ADAMTS9: variants seen among roughly 807,000 people sequenced by gnomAD.
ADAMTS9 encodes the protein ADAM metallopeptidase with thrombospondin type 1 motif 9.
A neutral mutation model predicts 257.1 loss-of-function variants in ADAMTS9; 107 were observed. That is an observed-to-expected ratio of 0.42 (90% CI 0.36 to 0.49). The LOEUF is 0.49. ADAMTS9 is among the 20% of genes least tolerant of loss of function. The pLI, the probability that ADAMTS9 is intolerant of heterozygous loss-of-function variation, is 0.03. For synonymous variants in ADAMTS9, 982 were observed against 880.9 expected (o/e 1.11, Z -2.03); for missense variants, 2,353 against 2,469.1 (o/e 0.95, Z 1.00).
chr3:64,573,223 G>A (rs995211318), intron 28 of ADAMTS9, among the ~76,000 whole-genome samples: 2 of 152,164 alleles, frequency 1.3e-5, no homozygotes, highest in African/African-American at 2.4e-5. Flanking sequence ...ATGGGCCAGG[G>A]GGACAGCCCT....
At chr3:64,600,448 T>C (rs1180601354) in intron 26 of ADAMTS9, among the ~76,000 whole-genome samples, 3 of 152,208 alleles carry the variant, frequency 2.0e-5, no homozygotes, top group Non-Finnish European at 2.9e-5. Context: ...TCCTCCCTAA[T>C]TGGGAGCTCT....
chr3:64,530,334 C>G lies in ADAMTS9; in HGVS notation c.5718+2832G>C, dbSNP rs1042601337. On this transcript the variant is annotated intron_variant, in intron 38 of 39. Transcript: ENST00000498707. The stretch of plus-strand genomic sequence containing the variant: ...CCCAAAAGTGTTGGGCGGTGGAAGC[C>G]TATTTTCAGGTAGCATTGCTAGGAC... Among the ~76,000 whole-genome samples, 7 of 151,860 alleles carry G rather than the reference C, an allele frequency of 4.6e-5. No homozygotes were observed. In the East Asian group the frequency reaches 1.4e-3, roughly 29 times the overall value.
rs779447947 is a variant in ADAMTS9 at position 64,515,931 on chromosome 3, G to C, written c.*1196C>G. The C allele has an allele frequency of 9.9e-5, 15 of 152,144 alleles. No homozygotes were observed. The highest frequency in any genetic ancestry group is 1.6e-4 in the Non-Finnish European group (11 of 68,022). The allele number at this position is 152,144 out of a possible 1,614,324, so 9.4% of individuals were successfully genotyped here. ...GGCTTCAGCACTTCCATTTTGGAAA[G>C]AAGTAACAAAAAAGTGAATTAATGA... On this transcript the variant is annotated 3_prime_UTR_variant, in exon 40 of 40. Coordinates refer to ENST00000498707, the MANE Select transcript of ADAMTS9 (RefSeq NM_182920.2).
At chr3:64,521,186 A>G (rs1237714990) in intron 39 of ADAMTS9, among the ~76,000 whole-genome samples, 2 of 152,224 alleles carry the variant, frequency 1.3e-5, no homozygotes, top group African/African-American at 4.8e-5. Context: ...GCCAACAAAT[A>G]TAAGAAAAAA....
intron 3 of ADAMTS9, among the ~76,000 whole-genome samples, chr3:64,673,436 G>A (rs4505692): frequency 0.39 from 59,549 of 151,786 alleles, 11,828 homozygotes; most frequent in African/African-American, 0.43. Flanking sequence ...AAAGAGTAGG[G>A]GCAATGGAAG....
At chr3:64,557,032 TAC>T (rs1185632532) in intron 30 of ADAMTS9, among the ~76,000 whole-genome samples, 1 of 152,122 alleles carries the variant, frequency 6.6e-6, no homozygotes, top group East Asian at 1.9e-4. Flanking sequence ...ACTGCCAGAG[TAC>T]AGTAATCTGC....
chr3:64,634,341 C>T (rs1404606569), intron 12 of ADAMTS9, among the ~76,000 whole-genome samples: 1 of 152,152 alleles, frequency 6.6e-6, no homozygotes, highest in Non-Finnish European at 1.5e-5. Flanking sequence ...CACAGGAGAC[C>T]ATCATAAACT....
chr3:64,631,362 C>G (rs1189925525), intron 16 of ADAMTS9, 93 bp downstream of exon 16: 1 of 994,568 alleles, frequency 1.0e-6, no homozygotes, highest in African/African-American at 1.6e-5. Context: ...CATCTGAAAG[C>G]TCTGCCTCTG....
At chr3:64,573,410 A>G (rs2083749427) in intron 28 of ADAMTS9, among the ~76,000 whole-genome samples, 1 of 152,208 alleles carries the variant, frequency 6.6e-6, no homozygotes, top group African/African-American at 2.4e-5. Context: ...TGAAAGGCCA[A>G]GATAAATGTC....
chr3:64,646,459 G>A (rs1028637294), intron 11 of ADAMTS9, among the ~76,000 whole-genome samples: 2 of 152,156 alleles, frequency 1.3e-5, no homozygotes, highest in South Asian at 2.1e-4. Flanking sequence ...GTCTTGCAAA[G>A]ATTCACTCTT....
intron 3 of ADAMTS9, among the ~76,000 whole-genome samples, chr3:64,666,726 A>G (rs72892831): frequency 0.073 from 11,084 of 152,310 alleles, 1,315 homozygotes; most frequent in African/African-American, 0.25. Flanking sequence ...CATGACACAG[A>G]GGACAGGTCC....
intron 36 of ADAMTS9, among the ~76,000 whole-genome samples, chr3:64,540,833 C>T (rs1004888961): frequency 2.6e-5 from 4 of 151,510 alleles, no homozygotes; most frequent in African/African-American, 9.8e-5. Context: ...GTTCATTCAT[C>T]ACAAATCGGA....
chr3:64,596,288 C>T (rs1461365270), intron 27 of ADAMTS9, among the ~76,000 whole-genome samples: 1 of 152,178 alleles, frequency 6.6e-6, no homozygotes. Context: ...CCCTATCAGT[C>T]GTCACAGGCA....
chr3:64,600,257 A>C (rs1286823961), intron 26 of ADAMTS9, among the ~76,000 whole-genome samples: 2 of 152,148 alleles, frequency 1.3e-5, no homozygotes. Context: ...ATGCAATGCA[A>C]TGCAAAGATG....
intron 28 of ADAMTS9, among the ~76,000 whole-genome samples, chr3:64,574,708 T>C (rs1245378506): frequency 6.9e-6 from 1 of 143,940 alleles, no homozygotes; most frequent in African/African-American, 2.7e-5. Flanking sequence ...TCCAGCCTGG[T>C]TGACAGGGCA....
At chr3:64,682,895 TG>T (rs1198333042) in intron 2 of ADAMTS9, among the ~76,000 whole-genome samples, 1 of 152,208 alleles carries the variant, frequency 6.6e-6, no homozygotes, top group Non-Finnish European at 1.5e-5. Flanking sequence ...GAAGGTTTTT[TG>T]TTTTTGTTTT....
intron 28 of ADAMTS9, among the ~76,000 whole-genome samples, chr3:64,593,649 C>A (rs891508909): frequency 1.3e-5 from 2 of 152,184 alleles, no homozygotes; most frequent in African/African-American, 4.8e-5. Flanking sequence ...TGGTCCCAAA[C>A]GGGCTTCCTA....
chr3:64,588,181 T>C (rs1254895728), intron 28 of ADAMTS9: 1 of 152,204 alleles, frequency 6.6e-6, no homozygotes, highest in Non-Finnish European at 1.5e-5. Context: ...ATCAGCAGTA[T>C]CCATGAAGGT....
intron 30 of ADAMTS9, among the ~76,000 whole-genome samples, chr3:64,558,856 G>T (rs1311459233): frequency 1.3e-5 from 2 of 152,180 alleles, no homozygotes; most frequent in Non-Finnish European, 2.9e-5. Context: ...CATTCAGTGG[G>T]CTGAGAGGCT....
Sources: allele counts gnomAD v4.1 joint callset (sites outside exome capture counted in the v4.1 genomes callset), GRCh38; gene constraint gnomAD v4.1.1; transcripts MANE v1.5; gene names NCBI Gene and HGNC (gene_info 2026-07-23, HGNC 2026-07-21).